The following PAPPA2 variants were observed in gnomAD, a reference collection of about 807,000 sequenced individuals.
PAPPA2 encodes pappalysin 2.
Under a neutral mutation model 176.4 loss-of-function variants are expected in PAPPA2, and 86 were observed. The observed-to-expected ratio is 0.49, with a 90% CI of 0.41 to 0.58. The LOEUF is 0.58. Ranked by LOEUF, PAPPA2 falls within the 20% of genes least tolerant of loss-of-function variation. PAPPA2 has a pLI of 0.00. For synonymous variants in PAPPA2, 809 were observed against 852.2 expected, an observed-to-expected ratio of 0.95 and a Z score of 0.88; for missense variants, 2,073 against 2,256.9, an observed-to-expected ratio of 0.92 and a Z score of 1.65.
rs766424114 is a variant in PAPPA2, at chr1:176,595,309, G to A, written c.1705G>A (p.Val569Ile). Residue 569 changes from valine to isoleucine, a missense_variant, in exon 3 of 23, where the codon GTC (valine) becomes ATC (isoleucine). Coordinates refer to ENST00000367662, the MANE Select transcript of PAPPA2 (RefSeq NM_020318.3). ...SRYNISWQLS[V>I]HQVHNSTLRH... ...CTACAACATCAGCTGGCAGCTGAGC[G>A]TCCACCAGGTCCACAATTCCACCCT... The A allele has an allele frequency of 1.7e-5, 27 of 1,614,182 alleles. No homozygotes were observed. In the East Asian group the frequency reaches 1.8e-4, roughly 11 times the overall value.
At chr1:176,816,235 G>T (rs778949842) in intron 21 of PAPPA2, among the ~76,000 whole-genome samples, 2 of 56,206 alleles carry the variant, frequency 3.6e-5, no homozygotes, top group Admixed American at 1.6e-4. Context: ...TTATGTGTGT[G>T]TGTGTGTATA....
chr1:176,608,731 T>C (rs1654753893), intron 3 of PAPPA2, among the ~76,000 whole-genome samples: 1 of 152,160 alleles, frequency 6.6e-6, no homozygotes, highest in African/African-American at 2.4e-5. Flanking sequence ...GTCAAACAAG[T>C]TCCTGGGCGT....
chr1:176,669,578 G>A (rs1658866490), intron 3 of PAPPA2, among the ~76,000 whole-genome samples: 2 of 152,078 alleles, frequency 1.3e-5, no homozygotes. Context: ...CATGGAGTTT[G>A]GGTGATTTCT....
intron 1 of PAPPA2, among the ~76,000 whole-genome samples, chr1:176,516,158 C>T (rs1223062594): frequency 1.3e-5 from 2 of 152,096 alleles, no homozygotes; most frequent in Non-Finnish European, 2.9e-5. Flanking sequence ...ACCATTTCCT[C>T]CTTCTTTTAA....
intron 1 of PAPPA2, among the ~76,000 whole-genome samples, chr1:176,510,891 G>T (rs2102523025): frequency 6.7e-6 from 1 of 149,964 alleles, no homozygotes; most frequent in Admixed American, 6.6e-5. Flanking sequence ...TAATAAGCCA[G>T]AGATAAAACC....
At chr1:176,576,411 G>A (rs1420056642) in intron 2 of PAPPA2, among the ~76,000 whole-genome samples, 1 of 151,894 alleles carries the variant, frequency 6.6e-6, no homozygotes, top group Non-Finnish European at 1.5e-5. Context: ...CAATGTTACT[G>A]TGCAGGTGAT....
intron 7 of PAPPA2, among the ~76,000 whole-genome samples, chr1:176,697,274 T>A (rs1660429151): frequency 6.6e-6 from 1 of 152,186 alleles, no homozygotes; most frequent in Non-Finnish European, 1.5e-5. Context: ...ACTTTTTGAC[T>A]GGCAGTGCTG....
intron 2 of PAPPA2, among the ~76,000 whole-genome samples, chr1:176,587,030 A>G (rs1653357491): frequency 6.6e-6 from 1 of 152,068 alleles, no homozygotes; most frequent in African/African-American, 2.4e-5. Flanking sequence ...GATTTCTCTA[A>G]TGATCAGTGA....
rs143613713 is a variant in PAPPA2, at chr1:176,753,088, G to C, written c.4152-12578G>C. Among the ~76,000 whole-genome samples the C allele has an allele frequency of 4.8e-4, 73 of 152,318 alleles. 1 individual carries two copies. Among genetic ancestry groups the C allele is most frequent in the Admixed American group, 1.5e-3 (23 of 15,298 alleles). ...CTTTTATGTCCTAATAGTCCCCAGA[G>C]AATTTCTGGAAGGAAGTGGCTGTCT... On this transcript the variant is annotated intron_variant, in intron 14 of 22. Transcript: ENST00000367662.
At chr1:176,833,460 C>T (rs1667153547) in intron 21 of PAPPA2, among the ~76,000 whole-genome samples, 1 of 152,206 alleles carries the variant, frequency 6.6e-6, no homozygotes, top group South Asian at 2.1e-4. Context: ...TATTCCAGAT[C>T]ACCTGTTAAA....
chr1:176,578,191 C>G (rs1240494716), intron 2 of PAPPA2, among the ~76,000 whole-genome samples: 3 of 152,166 alleles, frequency 2.0e-5, no homozygotes, highest in Non-Finnish European at 4.4e-5. Flanking sequence ...AATGTTCCCT[C>G]CAGAATGAGC....
chr1:176,789,199 A>G lies in PAPPA2; in HGVS notation c.4716-610A>G, dbSNP rs1205409711. On this transcript the variant is annotated intron_variant, in intron 17 of 22. Transcript: ENST00000367662. The stretch of plus-strand genomic sequence containing the variant: ...GATTAAGAAAATGTGGCACATATAC[A>G]CACCATGGAATACTATGCAGCCATA... 2.6e-5 allele frequency among the ~76,000 whole-genome samples: 4 copies of G among 152,180 alleles called. No individual in the cohort carries two copies. The East Asian group carries it at 7.7e-4, about 29-fold the overall frequency.
In PAPPA2 at chr1:176,771,912, C is replaced by T. The variant is rs979723306; in HGVS notation, c.4715+732C>T. On this transcript the variant is annotated intron_variant, in intron 17 of 22. Transcript: ENST00000367662. Reference sequence around the variant, plus strand: ...CATCTCCCCTTTATCAGCTGAGTAACCTCAAGCAAGTTACTTAACTCTTTG... The same window carrying T: ...CATCTCCCCTTTATCAGCTGAGTAATCTCAAGCAAGTTACTTAACTCTTTG... Among the ~76,000 whole-genome samples the T allele has an allele frequency of 1.4e-4, 22 of 152,164 alleles. 1 individual carries two copies. The highest frequency in any genetic ancestry group is 1.3e-3 in the Admixed American group (20 of 15,276).
chr1:176,541,576 A>G (rs999935803), intron 1 of PAPPA2, among the ~76,000 whole-genome samples: 3 of 152,150 alleles, frequency 2.0e-5, no homozygotes, highest in African/African-American at 4.8e-5. Context: ...CACTGAATAA[A>G]TTTTCCTGCA....
At chr1:176,564,918 A>G (rs903661442) in intron 2 of PAPPA2, among the ~76,000 whole-genome samples, 6 of 152,102 alleles carry the variant, frequency 3.9e-5, no homozygotes, top group Non-Finnish European at 8.8e-5. Context: ...TGTACCCATT[A>G]GCCCTACCCA....
intron 15 of PAPPA2, among the ~76,000 whole-genome samples, chr1:176,768,651 T>G (rs1664083514): frequency 6.6e-6 from 1 of 152,174 alleles, no homozygotes; most frequent in African/African-American, 2.4e-5. Context: ...TTTGCTTGCC[T>G]GGTCGATTTT....
At chr1:176,823,894 A>G (rs979715524) in intron 21 of PAPPA2, among the ~76,000 whole-genome samples, 2 of 152,170 alleles carry the variant, frequency 1.3e-5, no homozygotes, top group South Asian at 2.1e-4. Context: ...CATGGTGGCA[A>G]AATTGAACCA....
intron 9 of PAPPA2, among the ~76,000 whole-genome samples, chr1:176,704,933 A>G (rs1030660062): frequency 2.6e-5 from 4 of 152,212 alleles, no homozygotes; most frequent in African/African-American, 9.6e-5. Flanking sequence ...TACTAGAAAA[A>G]TTAAAAATGT....
At chr1:176,695,960 A>C in intron 7 of PAPPA2, 101 bp downstream of exon 7, 19 of 1,184,700 alleles carry the variant, frequency 1.6e-5, no homozygotes, top group Non-Finnish European at 2.0e-5. Context: ...AAGGCAATGT[A>C]TGTGTATGTG....
Sources: gnomAD v4.1 joint callset for allele counts (sites outside exome capture counted in the v4.1 genomes callset) on GRCh38, gnomAD v4.1.1 for gene constraint, MANE v1.5 for transcripts, NCBI Gene and HGNC (gene_info 2026-07-23, HGNC 2026-07-21) for gene names.